Variants in SLC41A2 observed in about 807,000 individuals in gnomAD.
SLC41A2 encodes the protein SLC41A1-like 1.
In SLC41A2, 32 loss-of-function variants were observed where a neutral mutation model predicts 58.3. The observed-to-expected ratio is 0.55, with a 90% CI of 0.41 to 0.74. The LOEUF is 0.74. Among genes scored for constraint, SLC41A2 ranks in the 30% least tolerant of loss-of-function variants. SLC41A2 has a pLI of 0.00. For synonymous variants in SLC41A2, 190 were observed against 235.0 expected (o/e 0.81, Z 1.75); for missense variants, 514 against 680.6 (o/e 0.76, Z 2.72).
intron 6 of SLC41A2, among the ~76,000 whole-genome samples, chr12:104,873,086 T>C (rs773879986): frequency 7.2e-4 from 110 of 152,218 alleles, no homozygotes; most frequent in Non-Finnish European, 1.2e-3. Flanking sequence ...ATAGTCCTCA[T>C]GTTGTACATT....
intron 10 of SLC41A2, among the ~76,000 whole-genome samples, chr12:104,808,395 C>T (rs1380933255): frequency 6.6e-6 from 1 of 152,198 alleles, no homozygotes; most frequent in Non-Finnish European, 1.5e-5. Context: ...GTTGAACCAG[C>T]CTTGCATCCC....
intron 1 of SLC41A2, among the ~76,000 whole-genome samples, chr12:104,954,312 G>T (rs1227593843): frequency 6.6e-6 from 1 of 152,082 alleles, no homozygotes; most frequent in East Asian, 1.9e-4. Flanking sequence ...AAATATTTCT[G>T]TATTTGTTAT....
chr12:104,890,113 G>T (rs554693856), intron 4 of SLC41A2, among the ~76,000 whole-genome samples: 1 of 152,162 alleles, frequency 6.6e-6, no homozygotes, highest in Non-Finnish European at 1.5e-5. Context: ...TCAATATTTT[G>T]AGTAGAATTT....
In SLC41A2 at chr12:104,896,324, C is replaced by A. The variant is rs1394116339; in HGVS notation, c.664-979G>T. Among the ~76,000 whole-genome samples the A allele has an allele frequency of 2.1e-4, 32 of 152,158 alleles. 1 individual carries two copies. ...TGGACTTTAGTCTCAAAGCATCCAG[C>A]AAATGCAAATATTGAGATTTCTCAG... On this transcript the variant is annotated intron_variant, in intron 3 of 10. Transcript: ENST00000258538.
chr12:104,914,219 C>T (rs142377691), intron 2 of SLC41A2, among the ~76,000 whole-genome samples: 13 of 152,154 alleles, frequency 8.5e-5, no homozygotes, highest in East Asian at 5.8e-4. Flanking sequence ...TAGTTAGGTC[C>T]GAACAACCTA....
At chr12:104,829,505 T>C (rs2041968324) in intron 10 of SLC41A2, among the ~76,000 whole-genome samples, 1 of 152,156 alleles carries the variant, frequency 6.6e-6, no homozygotes, top group Admixed American at 6.5e-5. Flanking sequence ...GGGAACTGAC[T>C]GCAAAGGAGC....
chr12:104,814,075 AAC>A (rs2041290558), intron 10 of SLC41A2, among the ~76,000 whole-genome samples: 1 of 152,210 alleles, frequency 6.6e-6, no homozygotes, highest in African/African-American at 2.4e-5. Flanking sequence ...TTTCAGAATA[AAC>A]ATATTTCTTA....
chr12:104,835,490 C>T (rs1264514150), intron 10 of SLC41A2, among the ~76,000 whole-genome samples: 1 of 152,148 alleles, frequency 6.6e-6, no homozygotes, highest in Non-Finnish European at 1.5e-5. Flanking sequence ...TTCTCATTTG[C>T]CTAATGCTAC....
chr12:104,863,090 TTTTA>T (rs2043270386), intron 7 of SLC41A2, among the ~76,000 whole-genome samples: 1 of 152,222 alleles, frequency 6.6e-6, no homozygotes, highest in Non-Finnish European at 1.5e-5. Flanking sequence ...ATAAAAGTAG[TTTTA>T]TTTGCTTTTA....
chr12:104,837,533 G>T (rs893942590), intron 10 of SLC41A2, among the ~76,000 whole-genome samples: 6 of 152,258 alleles, frequency 3.9e-5, no homozygotes, highest in South Asian at 2.1e-4. Flanking sequence ...CATTTAACTG[G>T]AGATGTAGAA....
In SLC41A2 at chr12:104,805,153, T is replaced by TA; in HGVS notation, c.1720dup (p.Ter574LeufsTer28). On this transcript the variant is annotated frameshift_variant and stop_lost, in exon 11 of 11. Coordinates refer to ENST00000258538, the MANE Select transcript of SLC41A2 (RefSeq NM_001352171.3). LOFTEE classifies it high-confidence loss of function. ...CTTGAGAGCAGTTTGTAGAATTTAT[T>TA]AGTCTCCAACATCTCCATCTCGATC... 1.2e-6 allele frequency: 2 copies of TA among 1,603,314 alleles called. No individual in the cohort carries two copies. The highest frequency in any genetic ancestry group is 1.7e-6 in the Non-Finnish European group (2 of 1,175,584).
chr12:104,952,817 T>G (rs2048005173), intron 1 of SLC41A2, among the ~76,000 whole-genome samples: 1 of 152,178 alleles, frequency 6.6e-6, no homozygotes. Context: ...TCTTGGCCTT[T>G]CCACATGTTC....
chr12:104,850,565 A>T (rs561601748), intron 8 of SLC41A2, among the ~76,000 whole-genome samples: 8 of 152,338 alleles, frequency 5.3e-5, no homozygotes, highest in Non-Finnish European at 1.0e-4. Flanking sequence ...ATTGCAGAAA[A>T]AATGTAAGTA....
At chr12:104,816,707 G>T (rs1440611774) in intron 10 of SLC41A2, among the ~76,000 whole-genome samples, 1 of 152,124 alleles carries the variant, frequency 6.6e-6, no homozygotes, top group African/African-American at 2.4e-5. Flanking sequence ...CTAACATGGT[G>T]GGAAAAAAGT....
intron 8 of SLC41A2, among the ~76,000 whole-genome samples, chr12:104,858,359 C>A (rs767585521): frequency 6.6e-6 from 1 of 151,910 alleles, no homozygotes; most frequent in Non-Finnish European, 1.5e-5. Context: ...GGTTTTCAAT[C>A]GTGACTCACC....
intron 1 of SLC41A2, among the ~76,000 whole-genome samples, chr12:104,930,138 C>T (rs1388848593): frequency 1.3e-5 from 2 of 152,134 alleles, no homozygotes; most frequent in Non-Finnish European, 1.5e-5. Flanking sequence ...GTGTTTGAGG[C>T]CCATAAATCT....
chr12:104,868,818 C>A (rs1193843205), intron 6 of SLC41A2, among the ~76,000 whole-genome samples: 4 of 152,060 alleles, frequency 2.6e-5, no homozygotes, highest in African/African-American at 9.7e-5. Flanking sequence ...TCATATGATT[C>A]AAAAATGATG....
chr12:104,937,741 G>T (rs1184875900), intron 1 of SLC41A2, among the ~76,000 whole-genome samples: 1 of 152,142 alleles, frequency 6.6e-6, no homozygotes, highest in Non-Finnish European at 1.5e-5. Context: ...AGAAATGCAG[G>T]ACCTCAGTCA....
chr12:104,841,310 TA>T (rs1413484892), intron 10 of SLC41A2, among the ~76,000 whole-genome samples: 1 of 130,662 alleles, frequency 7.7e-6, no homozygotes, highest in African/African-American at 2.7e-5. Flanking sequence ...ACAAGGAGAA[TA>T]AAAAATCTAG....
Sources: allele counts gnomAD v4.1 joint callset (sites outside exome capture counted in the v4.1 genomes callset), GRCh38; gene constraint gnomAD v4.1.1; transcripts MANE v1.5; gene names NCBI Gene and HGNC (gene_info 2026-07-23, HGNC 2026-07-21).